The following SUN1 variants were observed in gnomAD, a reference collection of about 807,000 sequenced individuals.
SUN1 encodes SUN domain-containing protein 1.
In SUN1, 61 loss-of-function variants were observed where a neutral mutation model predicts 103.2. The ratio of observed to expected loss-of-function variants is 0.59; its 90% confidence interval spans 0.48 to 0.73. The LOEUF (loss-of-function observed/expected upper bound fraction) is 0.73, where lower values mean the gene tolerates loss of function less well. Ranked by LOEUF, SUN1 falls within the 30% of genes least tolerant of loss-of-function variation. The pLI, the probability that SUN1 is intolerant of heterozygous loss-of-function variation, is 0.00. For synonymous variants in SUN1, 490 were observed against 425.7 expected, an observed-to-expected ratio of 1.15 and a Z score of -1.86; for missense variants, 1,052 against 1,034.6, an observed-to-expected ratio of 1.02 and a Z score of -0.23.
chr7:824,179 A>G (rs1027070009), intron 1 of SUN1, among the ~76,000 whole-genome samples: 4 of 152,274 alleles, frequency 2.6e-5, no homozygotes, highest in African/African-American at 9.6e-5. Context: ...CCAGTAAAAC[A>G]GAAGAAGACA....
intron 15 of SUN1, among the ~76,000 whole-genome samples, chr7:864,671 C>G (rs1834980681): frequency 1.7e-5 from 1 of 58,436 alleles, no homozygotes; most frequent in Non-Finnish European, 3.7e-5. Flanking sequence ...CTCTGTCGCC[C>G]AGGCTGGAGT....
At chr7:820,794 A>G (rs1013602228) in intron 1 of SUN1, among the ~76,000 whole-genome samples, 2 of 152,176 alleles carry the variant, frequency 1.3e-5, no homozygotes, top group African/African-American at 4.8e-5. Context: ...GCACCAATTG[A>G]GATGATCACA....
At chr7:840,461 C>T (rs1294935440) in intron 2 of SUN1, among the ~76,000 whole-genome samples, 3 of 152,188 alleles carry the variant, frequency 2.0e-5, no homozygotes, top group Admixed American at 1.3e-4. Flanking sequence ...CTCCCTCTGC[C>T]GGGTGTCACT....
At chr7:847,984 G>A (rs1272542344) in intron 5 of SUN1, among the ~76,000 whole-genome samples, 2 of 149,084 alleles carry the variant, frequency 1.3e-5, no homozygotes, top group Non-Finnish European at 3.0e-5. Context: ...TCTCCTGGGG[G>A]TTACTCCGCA....
chr7:861,543 A>C lies in SUN1; in HGVS notation c.1864+79A>C, dbSNP rs181862241. The C allele has an allele frequency of 3.8e-4, 543 of 1,418,996 alleles. 2 individuals carry two copies. In the African/African-American group the frequency reaches 7.0e-3, roughly 18 times the overall value. The allele number at this position is 1,418,996 out of a possible 1,614,324, so 87.9% of individuals were successfully genotyped here. ...GTGTGCACTTGAGAGGCTGTTGCCT[A>C]CCCCACTTCCAGCAGTAAGGACTCC... On this transcript the variant is annotated intron_variant, in intron 15 of 18. Coordinates refer to ENST00000401592, the MANE Select transcript of SUN1 (RefSeq NM_001130965.3).
intron 1 of SUN1, among the ~76,000 whole-genome samples, chr7:835,861 G>C (rs1222504315): frequency 6.6e-6 from 1 of 152,234 alleles, no homozygotes; most frequent in Non-Finnish European, 1.5e-5. Context: ...TCAGATCCAG[G>C]GGGGCTGGAG....
chr7:821,514 T>C (rs1473186855), intron 1 of SUN1, among the ~76,000 whole-genome samples: 1 of 152,206 alleles, frequency 6.6e-6, no homozygotes, highest in Non-Finnish European at 1.5e-5. Flanking sequence ...TGTCAGGTCA[T>C]AACCATTGTT....
In SUN1 at chr7:871,038, G is replaced by A. The variant is rs56725418; in HGVS notation, c.2149-1432G>A. Among the ~76,000 whole-genome samples the A allele has an allele frequency of 7.5e-3, 1,141 of 151,148 alleles. 51 individuals carry two copies. Among genetic ancestry groups the A allele is most frequent in the Admixed American group, 0.07 (1,070 of 15,198 alleles). On this transcript the variant is annotated intron_variant, in intron 17 of 18. Transcript: ENST00000401592. Reference sequence around the variant, plus strand: ...CCCAAGTAGCTGGGATTACAGGCGCGTGCCACCACGCCCGGCTAATTTTTG... The same window carrying A: ...CCCAAGTAGCTGGGATTACAGGCGCATGCCACCACGCCCGGCTAATTTTTG...
chr7:873,388 T>C lies in SUN1; in HGVS notation c.*57T>C. On this transcript the variant is annotated 3_prime_UTR_variant, in exon 19 of 19. Coordinates refer to ENST00000401592, the MANE Select transcript of SUN1 (RefSeq NM_001130965.3). ...TATATACTGGGACAGCGTGAAACACTGGAATCCTTCATGGACGAGGGCATA... is the reference window on the plus strand; with the variant it reads ...TATATACTGGGACAGCGTGAAACACCGGAATCCTTCATGGACGAGGGCATA... The C allele has an allele frequency of 2.1e-6, 3 of 1,458,038 alleles. No homozygotes were observed. Among genetic ancestry groups the C allele is most frequent in the South Asian group, 1.1e-5 (1 of 87,850 alleles). 90.3% of individuals were successfully genotyped at this position (1,458,038 alleles called of 1,614,324 possible).
At chr7:857,527 C>T (rs1035634544) in intron 12 of SUN1, among the ~76,000 whole-genome samples, 1 of 152,186 alleles carries the variant, frequency 6.6e-6, no homozygotes, top group Non-Finnish European at 1.5e-5. Context: ...ATGCTTAAAT[C>T]GTTTTCAGAG....
rs192967321 is a variant in SUN1 at position 866,081 on chromosome 7, G to A, written c.1980+14G>A. 3.0e-4 allele frequency: 489 copies of A among 1,611,056 alleles called. 1 individual carries two copies. The African/African-American group carries it at 5.7e-3, about 19-fold the overall frequency. On this transcript the variant is annotated intron_variant, in intron 16 of 18. Coordinates refer to ENST00000401592, the MANE Select transcript of SUN1 (RefSeq NM_001130965.3). The stretch of plus-strand genomic sequence containing the variant: ...GTGGTCATCCAGGTGAGTGGCCGCC[G>A]GTGGCCGGAGCTGCTCCTCTTCAGC...
At chr7:854,357 C>T (rs1221084569) in intron 10 of SUN1, among the ~76,000 whole-genome samples, 3 of 152,244 alleles carry the variant, frequency 2.0e-5, no homozygotes, top group Admixed American at 1.3e-4. Flanking sequence ...GTCTGCACTG[C>T]CTAGTGGAGG....
At chr7:823,234 A>C (rs191101427) in intron 1 of SUN1, among the ~76,000 whole-genome samples, 1 of 152,342 alleles carries the variant, frequency 6.6e-6, no homozygotes, top group East Asian at 1.9e-4. Context: ...CACAGAGTTC[A>C]AGGGCCGCTT....
Position 832,621 on chromosome 7 carries a change from T to TG in SUN1, c.77+24dup. On this transcript the variant is annotated intron_variant, in intron 1 of 18. Transcript: ENST00000401592. ...GCTCAGGTGAGTGTGCACCTGCACG[T>TG]GGGGTCCTGGCCTTGCAATGCCCAC... 1 of 1,600,544 alleles carries TG rather than the reference T, an allele frequency of 6.2e-7. No homozygotes were observed. The highest frequency in any genetic ancestry group is 8.5e-7 in the Non-Finnish European group (1 of 1,172,282).
intron 5 of SUN1, among the ~76,000 whole-genome samples, chr7:845,887 G>A (rs1047401461): frequency 2.6e-5 from 4 of 152,102 alleles, no homozygotes; most frequent in East Asian, 1.9e-4. Flanking sequence ...CTTGGGAGTC[G>A]TTGGCCTCCC....
intron 1 of SUN1, among the ~76,000 whole-genome samples, chr7:822,948 A>G (rs962782739): frequency 1.3e-5 from 2 of 151,924 alleles, no homozygotes; most frequent in Non-Finnish European, 2.9e-5. Context: ...CCCTGTGGCC[A>G]CCCGTGAATT....
In SUN1 at chr7:860,218, TCA is replaced by T; in HGVS notation, c.1618_1619del (p.Gln540ValfsTer70). 1 of 1,614,258 alleles carries T rather than the reference TCA, an allele frequency of 6.2e-7. No individual in the cohort carries two copies. Among genetic ancestry groups the T allele is most frequent in the Non-Finnish European group, 8.5e-7 (1 of 1,180,048 alleles). The part of the protein sequence containing the change: ...SLEQLLQRFS[S>X]QFVSKGDLQT... ...GGAACAGCTGCTGCAGAGGTTCTCA[TCA>T]CAGTTTGTGAGCAAAGGCGACTTGC... On this transcript the variant is annotated frameshift_variant, in exon 14 of 19. Coordinates refer to ENST00000401592, the MANE Select transcript of SUN1 (RefSeq NM_001130965.3). LOFTEE classifies it high-confidence loss of function.
At chr7:837,790 C>CAT (rs1187613993) in intron 1 of SUN1, among the ~76,000 whole-genome samples, 2 of 152,236 alleles carry the variant, frequency 1.3e-5, no homozygotes, top group East Asian at 3.8e-4. Context: ...GGGCTCTGGG[C>CAT]ATACCTGTCT....
upstream of SUN1, among the ~76,000 whole-genome samples, chr7:829,593 C>T (rs544240831): frequency 9.8e-4 from 143 of 145,362 alleles, 1 homozygote; most frequent in Admixed American, 2.1e-3. Flanking sequence ...CTCGCTCTGT[C>T]GCCCAGGCTG....
Sources: gnomAD v4.1 joint callset for allele counts (sites outside exome capture counted in the v4.1 genomes callset) on GRCh38, gnomAD v4.1.1 for gene constraint, MANE v1.5 for transcripts, NCBI Gene and HGNC (gene_info 2026-07-23, HGNC 2026-07-21) for gene names.